Variants in SEMA3A observed in about 807,000 individuals in gnomAD.
SEMA3A encodes semaphorin-3A.
A neutral mutation model predicts 97.9 loss-of-function variants in SEMA3A; 29 were observed. The ratio of observed to expected loss-of-function variants is 0.30; its 90% CI spans 0.22 to 0.40. The LOEUF (loss-of-function observed/expected upper bound fraction) is 0.40, where lower values mean the gene tolerates loss of function less well. Among genes scored for constraint, SEMA3A ranks in the 10% least tolerant of loss-of-function variants. SEMA3A has a pLI of 1.00. For synonymous variants in SEMA3A, 321 were observed against 323.7 expected (o/e 0.99, Z 0.09); for missense variants, 763 against 951.3 (o/e 0.80, Z 2.60).
At chr7:84,263,564 A>G (rs1799912808) in intron 3 of SEMA3A, among the ~76,000 whole-genome samples, 1 of 152,248 alleles carries the variant, frequency 6.6e-6, no homozygotes, top group African/African-American at 2.4e-5. Flanking sequence ...CTCAGTTTAT[A>G]TACATAAATC....
chr7:84,016,586 A>G (rs1037273171), intron 6 of SEMA3A, among the ~76,000 whole-genome samples: 20 of 152,040 alleles, frequency 1.3e-4, no homozygotes, highest in African/African-American at 4.3e-4. Flanking sequence ...CAGTGATTTA[A>G]TTTAGTCACT....
intron 1 of SEMA3A, among the ~76,000 whole-genome samples, chr7:84,399,930 G>C (rs778552524): frequency 6.6e-6 from 1 of 152,212 alleles, no homozygotes; most frequent in African/African-American, 2.4e-5. Flanking sequence ...TTAGCATAGA[G>C]AGAGGCTCTT....
intron 1 of SEMA3A, among the ~76,000 whole-genome samples, chr7:84,147,992 C>T (rs1042351279): frequency 9.9e-5 from 15 of 152,142 alleles, no homozygotes; most frequent in Non-Finnish European, 4.4e-5. Context: ...TCACTGCAAC[C>T]TCTGCCTCCT....
intron 2 of SEMA3A, among the ~76,000 whole-genome samples, chr7:84,312,827 G>A (rs1419870777): frequency 7.6e-6 from 1 of 131,848 alleles, no homozygotes; most frequent in Non-Finnish European, 1.6e-5. Flanking sequence ...TACTACCAAC[G>A]TTTCTGGAGT....
intron 5 of SEMA3A, among the ~76,000 whole-genome samples, chr7:84,054,894 C>T (rs1180791092): frequency 6.6e-6 from 1 of 151,302 alleles, no homozygotes; most frequent in Non-Finnish European, 1.5e-5. Flanking sequence ...TGTGGATGTC[C>T]TTTCTGTTTG....
upstream of SEMA3A, among the ~76,000 whole-genome samples, chr7:84,199,742 A>C (rs533540917): frequency 6.6e-6 from 1 of 152,088 alleles, no homozygotes; most frequent in East Asian, 1.9e-4. Flanking sequence ...TTTTCTAAAA[A>C]AGAATTCTGT....
intron 3 of SEMA3A, among the ~76,000 whole-genome samples, chr7:84,219,618 A>C (rs1168606668): frequency 1.3e-5 from 2 of 152,194 alleles, no homozygotes; most frequent in Non-Finnish European, 2.9e-5. Flanking sequence ...TGAAAGCATT[A>C]TGTCTAAACA....
intron 5 of SEMA3A, among the ~76,000 whole-genome samples, chr7:84,055,689 T>C (rs910604466): frequency 1.3e-5 from 2 of 152,228 alleles, no homozygotes; most frequent in African/African-American, 4.8e-5. Flanking sequence ...CTCGGAGCTG[T>C]AGATCGGAGC....
chr7:84,025,713 G>A (rs149613495), intron 6 of SEMA3A, among the ~76,000 whole-genome samples: 2 of 152,234 alleles, frequency 1.3e-5, no homozygotes, highest in African/African-American at 4.8e-5. Flanking sequence ...AAACACAGAA[G>A]GCAAGTGAAA....
chr7:84,352,549 T>C (rs1404092472), intron 2 of SEMA3A, among the ~76,000 whole-genome samples: 1 of 151,458 alleles, frequency 6.6e-6, no homozygotes, highest in Non-Finnish European at 1.5e-5. Flanking sequence ...AAAAATAAAA[T>C]AAAAATGAAA....
At chr7:84,331,790 G>A (rs375639285) in intron 2 of SEMA3A, among the ~76,000 whole-genome samples, 3 of 152,008 alleles carry the variant, frequency 2.0e-5, no homozygotes, top group African/African-American at 7.2e-5. Context: ...GTCTGTGTGC[G>A]TGCATGCGTG....
intron 1 of SEMA3A, among the ~76,000 whole-genome samples, chr7:84,435,438 T>C (rs1311161670): frequency 6.6e-6 from 1 of 152,066 alleles, no homozygotes; most frequent in East Asian, 1.9e-4. Flanking sequence ...TGAAACCCCG[T>C]CTCTACTAAA....
chr7:83,993,947 G>C (rs1301401838), intron 12 of SEMA3A, among the ~76,000 whole-genome samples: 7 of 116,970 alleles, frequency 6.0e-5, no homozygotes, highest in Non-Finnish European at 1.8e-5. Context: ...TCACTTTCAG[G>C]TACACCAATC....
At chr7:84,419,271 G>T (rs888877346) in intron 1 of SEMA3A, among the ~76,000 whole-genome samples, 3 of 152,062 alleles carry the variant, frequency 2.0e-5, no homozygotes, top group African/African-American at 7.2e-5. Context: ...AATATGTCAA[G>T]AACATGAAAG....
rs557076911 is a variant in SEMA3A, at chr7:84,309,522, AG to A, written c.-168-2231del. Among the ~76,000 whole-genome samples, 8 of 152,254 alleles carry A rather than the reference AG, an allele frequency of 5.3e-5. No homozygotes were observed. In the South Asian group the frequency reaches 1.7e-3, roughly 32 times the overall value. ...ATGATGGACCTCTCTGACCCAGCAA[AG>A]GGTGTGTAAAGTCCTCTTGACTTCT... On this transcript the variant is annotated intron_variant, in intron 2 of 3. Transcript: ENST00000424555.
At chr7:84,212,722 A>G (rs1463721624) in intron 3 of SEMA3A, among the ~76,000 whole-genome samples, 3 of 152,290 alleles carry the variant, frequency 2.0e-5, no homozygotes, top group Non-Finnish European at 1.5e-5. Context: ...TTAAAATGAA[A>G]CAATGTGGTG....
chr7:83,965,401 G>A (rs1788630818), intron 15 of SEMA3A, among the ~76,000 whole-genome samples: 1 of 151,228 alleles, frequency 6.6e-6, no homozygotes, highest in Admixed American at 6.6e-5. Context: ...CAACAGCCAT[G>A]TCTCCTAGGT....
chr7:84,466,656 T>A (rs1005867542), intron 1 of SEMA3A, among the ~76,000 whole-genome samples: 4 of 152,214 alleles, frequency 2.6e-5, no homozygotes, highest in African/African-American at 9.6e-5. Flanking sequence ...AAGATGAACC[T>A]GACTTACCAT....
At chr7:84,408,682 G>T (rs904580800) in intron 1 of SEMA3A, among the ~76,000 whole-genome samples, 5 of 148,074 alleles carry the variant, frequency 3.4e-5, no homozygotes, top group African/African-American at 1.3e-4. Flanking sequence ...AGAAAATGTG[G>T]CACATATACA....
Sources: gnomAD v4.1 joint callset for allele counts (sites outside exome capture counted in the v4.1 genomes callset) on GRCh38, gnomAD v4.1.1 for gene constraint, MANE v1.5 for transcripts, NCBI Gene and HGNC (gene_info 2026-07-23, HGNC 2026-07-21) for gene names.